Variants in SSBP2 observed in about 807,000 individuals in gnomAD.
The protein encoded by SSBP2 is single-stranded DNA-binding protein 2.
In SSBP2, 17 loss-of-function variants were observed where a neutral mutation model predicts 61.8. That is an observed-to-expected ratio of 0.28 (90% CI 0.19 to 0.41). The LOEUF is 0.41. SSBP2 is among the 10% of genes least tolerant of loss of function. The pLI, the probability that SSBP2 is intolerant of heterozygous loss-of-function variation, is 1.00. For missense variants in SSBP2, 310 were observed against 458.7 expected (o/e 0.68, Z 2.96); for synonymous variants, 139 against 141.3 (o/e 0.98, Z 0.12).
intron 1 of SSBP2, among the ~76,000 whole-genome samples, chr5:81,703,742 G>A (rs1754163486): frequency 6.6e-6 from 1 of 151,968 alleles, no homozygotes; most frequent in South Asian, 2.1e-4. Context: ...CCAAAAACAA[G>A]ACTAATAAAG....
At chr5:81,499,342 C>T (rs1435922849) in intron 5 of SSBP2, among the ~76,000 whole-genome samples, 1 of 152,148 alleles carries the variant, frequency 6.6e-6, no homozygotes, top group Admixed American at 6.5e-5. Context: ...TGAATTTAGT[C>T]TAAGCATCAA....
At chr5:81,650,371 A>G in intron 1 of SSBP2, 32 bp from the exon 2 acceptor site, 2 of 1,416,136 alleles carry the variant, frequency 1.4e-6, no homozygotes, top group Non-Finnish European at 1.9e-6. Flanking sequence ...TATTGAGAAG[A>G]GGAATATTAA....
At chr5:81,711,314 A>G (rs916856404) in intron 1 of SSBP2, among the ~76,000 whole-genome samples, 30 of 152,160 alleles carry the variant, frequency 2.0e-4, no homozygotes, top group African/African-American at 7.2e-4. Flanking sequence ...TATCAATGAA[A>G]TATCTATTCC....
chr5:81,741,326 T>C (rs928561604), intron 1 of SSBP2, among the ~76,000 whole-genome samples: 1 of 152,166 alleles, frequency 6.6e-6, no homozygotes, highest in African/African-American at 2.4e-5. Flanking sequence ...CAAGGGCACA[T>C]AGAAGGCGGG....
chr5:81,456,439 T>C (rs1261013030), intron 10 of SSBP2, among the ~76,000 whole-genome samples: 1 of 151,130 alleles, frequency 6.6e-6, no homozygotes, highest in Non-Finnish European at 1.5e-5. Context: ...ACCAAAAATA[T>C]ATCTGGACTT....
At chr5:81,720,952 T>C (rs1386738010) in intron 1 of SSBP2, among the ~76,000 whole-genome samples, 2 of 152,206 alleles carry the variant, frequency 1.3e-5, no homozygotes, top group African/African-American at 4.8e-5. Context: ...TTCTTTTTAC[T>C]ATATTGTTTT....
chr5:81,471,554 T>C (rs573393200), intron 8 of SSBP2, among the ~76,000 whole-genome samples: 9 of 152,104 alleles, frequency 5.9e-5, no homozygotes, highest in African/African-American at 1.7e-4. Flanking sequence ...ACTAAAAGTA[T>C]ACTTAGCCAA....
At chr5:81,448,551 T>G (rs1026120359) in intron 11 of SSBP2, among the ~76,000 whole-genome samples, 2 of 152,200 alleles carry the variant, frequency 1.3e-5, no homozygotes, top group African/African-American at 4.8e-5. Flanking sequence ...TGTATTGTAC[T>G]GGTTTTCAGA....
chr5:81,468,927 G>A (rs1210544885), intron 8 of SSBP2, among the ~76,000 whole-genome samples: 1 of 151,958 alleles, frequency 6.6e-6, no homozygotes, highest in African/African-American at 2.4e-5. Context: ...GGCAGCAGCA[G>A]TACTAGCAAG....
chr5:81,435,285 G>A (rs374086146), intron 15 of SSBP2, among the ~76,000 whole-genome samples: 2 of 152,114 alleles, frequency 1.3e-5, no homozygotes, highest in South Asian at 4.1e-4. Flanking sequence ...GTTTATCTTT[G>A]GATTTTTAGA....
chr5:81,630,295 T>A (rs1194710008), intron 3 of SSBP2, among the ~76,000 whole-genome samples: 1 of 152,168 alleles, frequency 6.6e-6, no homozygotes, highest in African/African-American at 2.4e-5. Flanking sequence ...TTGAAAGAGT[T>A]AAGGATAAGA....
intron 4 of SSBP2, among the ~76,000 whole-genome samples, chr5:81,544,009 T>C (rs185821196): frequency 7.8e-4 from 119 of 152,310 alleles, no homozygotes; most frequent in Non-Finnish European, 1.6e-3. Flanking sequence ...GATGCAATTC[T>C]TTCTCTTCAC....
intron 14 of SSBP2, 191 bp from the exon 15 acceptor site, chr5:81,437,649 AAGG>A (rs1762756116): frequency 7.3e-6 from 3 of 413,496 alleles, no homozygotes; most frequent in Non-Finnish European, 1.3e-5. Context: ...TGGAAAATGC[AAGG>A]AGTTCTATCC....
At chr5:81,655,661 G>A (rs952806984) in intron 1 of SSBP2, among the ~76,000 whole-genome samples, 1 of 152,192 alleles carries the variant, frequency 6.6e-6, no homozygotes, top group Admixed American at 6.5e-5. Flanking sequence ...AACAGAGGTA[G>A]AGATTAAGAT....
intron 1 of SSBP2, among the ~76,000 whole-genome samples, chr5:81,725,242 G>T (rs961976109): frequency 1.2e-4 from 18 of 151,900 alleles, no homozygotes; most frequent in African/African-American, 4.3e-4. Context: ...AGGTCTTAAG[G>T]AGAACAGAAA....
At chr5:81,706,821 T>G (rs568008953) in intron 1 of SSBP2, among the ~76,000 whole-genome samples, 2 of 152,302 alleles carry the variant, frequency 1.3e-5, no homozygotes, top group South Asian at 4.1e-4. Flanking sequence ...TCAACTTTCC[T>G]TCAGAGACTC....
At chr5:81,639,280 A>G (rs1163875384) in intron 2 of SSBP2, among the ~76,000 whole-genome samples, 1 of 152,238 alleles carries the variant, frequency 6.6e-6, no homozygotes, top group Non-Finnish European at 1.5e-5. Context: ...CAGCTAAGTT[A>G]GAGTTTACTA....
intron 4 of SSBP2, among the ~76,000 whole-genome samples, chr5:81,614,495 G>A (rs969838080): frequency 1.3e-5 from 2 of 151,672 alleles, no homozygotes; most frequent in African/African-American, 4.8e-5. Flanking sequence ...TAACTCTTCA[G>A]TCTAAGGCTG....
chr5:81,425,054 T>TA (rs1205318678), intron 16 of SSBP2, among the ~76,000 whole-genome samples: 2 of 152,230 alleles, frequency 1.3e-5, no homozygotes, highest in Non-Finnish European at 2.9e-5. Context: ...ATGTAACCCT[T>TA]AAAGATATTA....
Sources: gnomAD v4.1 joint callset for allele counts (sites outside exome capture counted in the v4.1 genomes callset) on GRCh38, gnomAD v4.1.1 for gene constraint, MANE v1.5 for transcripts, NCBI Gene and HGNC (gene_info 2026-07-23, HGNC 2026-07-21) for gene names.